The following PTRH1 variants were observed in gnomAD, a reference collection of about 807,000 sequenced individuals.
The protein encoded by PTRH1 is peptidyl-tRNA hydrolase 1 homolog.
A neutral mutation model predicts 15.7 loss-of-function variants in PTRH1; 13 were observed. That is an observed-to-expected ratio of 0.83 (90% CI 0.54 to 1.31). The LOEUF is 1.31. PTRH1 is among the 40% of genes most tolerant of loss of function. PTRH1 has a pLI of 0.00. For synonymous variants in PTRH1, 139 were observed against 136.7 expected (o/e 1.02, Z -0.12); for missense variants, 319 against 296.2 (o/e 1.08, Z -0.56).
chr9:127,714,924 C>CCCCCCCCCCCCCCCAA, intron 2 of PTRH1, 51 bp downstream of exon 2: 1 of 828,396 alleles, frequency 1.2e-6, no homozygotes. Flanking sequence ...CCCCGCGCCC[C>CCCCCCCCCCCCCCCAA]AACCCCCACC....
chr9:127,712,241 G>A, downstream of PTRH1: 2 of 1,614,068 alleles, frequency 1.2e-6, no homozygotes, highest in African/African-American at 1.3e-5. Flanking sequence ...AGCAGCAGCA[G>A]GTGGATTTGC....
intron 1 of PTRH1, among the ~76,000 whole-genome samples, chr9:127,708,219 C>T (rs574889160): frequency 9.2e-4 from 140 of 152,328 alleles, no homozygotes; most frequent in Middle Eastern, 6.8e-3. Context: ...TGGCTCAGGA[C>T]TGTAATCCCA....
At chr9:127,697,616 A>G (rs1302012896) in intron 1 of PTRH1, among the ~76,000 whole-genome samples, 2 of 152,134 alleles carry the variant, frequency 1.3e-5, no homozygotes, top group Non-Finnish European at 2.9e-5. Context: ...AGCCAAGATC[A>G]CACCACTGCA....
chr9:127,695,022 G>A (rs1191206306), exon 2 of PTRH1: 1 of 702,744 alleles, frequency 1.4e-6, no homozygotes, highest in Admixed American at 2.0e-5. Flanking sequence ...GCTGAGCCCG[G>A]CTCCCAGGAA....
rs1588405057 is a variant in PTRH1 at position 127,715,275 on chromosome 9, G to A, written c.97-81C>T. ...ACAGCGTCCCGTGGGCCCCAACGCAGAGGAGCGGAAACGCAGAGCAACGCT... is the reference window on the plus strand; with the variant it reads ...ACAGCGTCCCGTGGGCCCCAACGCAAAGGAGCGGAAACGCAGAGCAACGCT... On this transcript the variant is annotated intron_variant, in intron 1 of 4. Transcript: ENST00000543175. The surrounding 1 kb of genome is among the most constrained non-coding windows in gnomAD (Gnocchi z 5.8). The A allele has an allele frequency of 6.9e-7, 1 of 1,455,268 alleles. No individual in the cohort carries two copies. 90.1% of individuals were successfully genotyped at this position (1,455,268 alleles called of 1,614,324 possible).
chr9:127,713,449 G>C, downstream of PTRH1: 1 of 372,346 alleles, frequency 2.7e-6, no homozygotes, highest in East Asian at 4.9e-5. Context: ...AGCAGGGAAA[G>C]AGTGGGATCC....
intron 1 of PTRH1, among the ~76,000 whole-genome samples, chr9:127,696,465 C>T (rs1224899230): frequency 2.0e-5 from 3 of 152,216 alleles, no homozygotes; most frequent in African/African-American, 7.2e-5. Context: ...GAAGCAAAAC[C>T]ACATAGAGAC....
chr9:127,702,368 G>A (rs1316892787), intron 1 of PTRH1, among the ~76,000 whole-genome samples: 39 of 142,146 alleles, frequency 2.7e-4, no homozygotes, highest in African/African-American at 1.1e-3. Flanking sequence ...GCAAGATTCC[G>A]TCTCCAAAAA....
intron 1 of PTRH1, among the ~76,000 whole-genome samples, chr9:127,704,334 G>A (rs559919615): frequency 6.6e-6 from 1 of 151,762 alleles, no homozygotes; most frequent in African/African-American, 2.4e-5. Flanking sequence ...ATGAAACTCC[G>A]TCTCCACCAA....
chr9:127,696,308 C>T lies in PTRH1; in HGVS notation c.206-1167G>A, dbSNP rs116936341. Among the ~76,000 whole-genome samples, 36 of 152,340 alleles carry T rather than the reference C, an allele frequency of 2.4e-4. No homozygotes were observed. The East Asian group carries it at 5.8e-3, about 24-fold the overall frequency. ...CTGTGATTGTGCCACTGCACTCCAGCTGGGACAACAGCAAGACCCTGTCTG... is the reference window on the plus strand; with the variant it reads ...CTGTGATTGTGCCACTGCACTCCAGTTGGGACAACAGCAAGACCCTGTCTG... On this transcript the variant is annotated intron_variant, in intron 1 of 2. Transcript: ENST00000335223.
In PTRH1 at chr9:127,715,491, C is replaced by A. The variant is rs765405772; in HGVS notation, c.96+53G>T. 6.2e-7 allele frequency: 1 copy of A among 1,611,440 alleles called. No homozygotes were observed. Among genetic ancestry groups the A allele is most frequent in the Non-Finnish European group, 8.5e-7 (1 of 1,179,082 alleles). ...CACTCGGCTCCCGGGACATAATGGC[C>A]GAACTGAAGCTAGGGACCGGGAGCC... On this transcript the variant is annotated intron_variant, in intron 1 of 4. Transcript: ENST00000543175. This position sits in a 1 kb window ranked among gnomAD's most constrained non-coding sequence, Gnocchi z 5.8.
At chr9:127,709,536 C>G, downstream of PTRH1, 1 of 1,614,140 alleles carries the variant, frequency 6.2e-7, no homozygotes, top group African/African-American at 1.3e-5. This position sits in a 1 kb window ranked among gnomAD's most constrained non-coding sequence, Gnocchi z 4.7. Flanking sequence ...GCACGCTCAA[C>G]CAGCAGGTGG....
chr9:127,714,401 C>T lies in PTRH1; in HGVS notation c.440G>A (p.Cys147Tyr), dbSNP rs765192974. ...CACATTGGAGTTGAGGCAGCTAATG[C>T]AGGAACGGACTCCATTGTGGCCCCT... ...SARGHNGVRS[C>Y]ISCLNSNAMP... The change falls in exon 4 of 5, where the codon TGC (cysteine) becomes TAC (tyrosine). Residue 147 changes from cysteine (C) to tyrosine (Y), a missense_variant. By Grantham distance (194) the Cys-to-Tyr change is radical (BLOSUM62 -2). Coordinates refer to ENST00000543175, the MANE Select transcript of PTRH1 (RefSeq NM_001002913.3). The T allele has an allele frequency of 8.1e-6, 13 of 1,614,232 alleles. No individual in the cohort carries two copies. Among genetic ancestry groups the T allele is most frequent in the Non-Finnish European group, 1.1e-5 (13 of 1,180,032 alleles).
intron 1 of PTRH1, among the ~76,000 whole-genome samples, chr9:127,701,062 C>T (rs1842599942): frequency 6.6e-6 from 1 of 152,206 alleles, no homozygotes; most frequent in South Asian, 2.1e-4. Context: ...ATGTGTCAAA[C>T]CACCTTCATG....
chr9:127,708,464 G>A (rs73600038), intron 1 of PTRH1, among the ~76,000 whole-genome samples: 157 of 152,164 alleles, frequency 1.0e-3, no homozygotes, highest in African/African-American at 3.7e-3. Flanking sequence ...GTGACAGATC[G>A]AGACTCCATT....
intron 1 of PTRH1, among the ~76,000 whole-genome samples, chr9:127,707,564 C>G (rs1433772764): frequency 6.6e-6 from 1 of 152,186 alleles, no homozygotes; most frequent in Non-Finnish European, 1.5e-5. Context: ...ACTTCCACTT[C>G]CTGGCAGTGG....
At chr9:127,710,432 A>G (rs373922002), downstream of PTRH1, among the ~76,000 whole-genome samples, 160 of 152,214 alleles carry the variant, frequency 1.1e-3, no homozygotes, top group African/African-American at 3.2e-3. Flanking sequence ...TGAAGGCAGT[A>G]AAGGTGACAG....
downstream of PTRH1, chr9:127,712,254 C>G: frequency 6.2e-7 from 1 of 1,613,892 alleles, no homozygotes; most frequent in Admixed American, 1.7e-5. Context: ...GGATTTGCAG[C>G]GGCTACAGCA....
chr9:127,710,688 A>G (rs933870019), downstream of PTRH1: 20 of 1,577,588 alleles, frequency 1.3e-5, no homozygotes, highest in African/African-American at 2.2e-4. Context: ...CAGGTGCGGA[A>G]GCAGGAGAAT....
Sources: gnomAD v4.1 joint callset for allele counts (sites outside exome capture counted in the v4.1 genomes callset) on GRCh38, gnomAD v4.1.1 for gene constraint, Gnocchi (gnomAD v3.1) non-coding constraint, MANE v1.5 for transcripts, NCBI Gene and HGNC (gene_info 2026-07-23, HGNC 2026-07-21) for gene names.